Variants in ARK2N observed in about 807,000 individuals in gnomAD.
ARK2N encodes the protein protein ARK2N.
At chr18:46,223,181 G>A in the ARK2N span, among the ~76,000 whole-genome samples, 2,352 of 152,272 alleles carry the variant, frequency 0.015, 74 homozygotes, top group African/African-American at 0.053. Flanking sequence ...AGTTTGCCCA[G>A]CACTTATAAT....
the ARK2N span, chr18:46,218,033 A>G: frequency 6.6e-6 from 1 of 152,314 alleles, no homozygotes; most frequent in Non-Finnish European, 1.5e-5. Context: ...AACTCTTAAT[A>G]CAATACTTAC....
chr18:46,214,550 C>T, the ARK2N span, among the ~76,000 whole-genome samples: 1 of 152,130 alleles, frequency 6.6e-6, no homozygotes, highest in Non-Finnish European at 1.5e-5. Flanking sequence ...CTTAAAGTCT[C>T]AGTTTCCAAG....
the ARK2N span, among the ~76,000 whole-genome samples, chr18:46,192,577 AT>A: frequency 7.7e-4 from 109 of 142,436 alleles, no homozygotes; most frequent in Admixed American, 1.8e-3. Flanking sequence ...CTCCATCTCA[AT>A]TTTTTTTTTT....
At chr18:46,217,239 G>A in the ARK2N span, 2 of 152,562 alleles carry the variant, frequency 1.3e-5, no homozygotes, top group African/African-American at 2.4e-5. Flanking sequence ...GCTCTCATTG[G>A]TATAAGGGTC....
the ARK2N span, chr18:46,217,879 C>G: frequency 6.6e-6 from 1 of 152,032 alleles, no homozygotes. Flanking sequence ...ATGAGAGAAA[C>G]AGACTTTGGG....
chr18:46,203,192 C>T, the ARK2N span, among the ~76,000 whole-genome samples: 5 of 152,140 alleles, frequency 3.3e-5, no homozygotes, highest in Admixed American at 1.3e-4. Context: ...ATGTATGAAA[C>T]TTTTCATGAA....
chr18:46,232,689 A>G, the ARK2N span: 10 of 152,260 alleles, frequency 6.6e-5, no homozygotes, highest in East Asian at 1.9e-3. Flanking sequence ...GTTTGCTAGT[A>G]TTGAGTAGAT....
the ARK2N span, among the ~76,000 whole-genome samples, chr18:46,190,246 G>A: frequency 3.9e-5 from 6 of 152,114 alleles, no homozygotes; most frequent in Admixed American, 6.5e-5. Flanking sequence ...CAGGCCGGGC[G>A]TGGTGGCTCA....
chr18:46,241,251 T>G, the ARK2N span, among the ~76,000 whole-genome samples: 1 of 152,242 alleles, frequency 6.6e-6, no homozygotes, highest in Non-Finnish European at 1.5e-5. Context: ...TAGCTAATTT[T>G]GGAACTGAAC....
the ARK2N span, among the ~76,000 whole-genome samples, chr18:46,251,548 T>C: frequency 5.3e-5 from 8 of 152,174 alleles, no homozygotes; most frequent in African/African-American, 4.8e-5. Context: ...ATTTTTCACA[T>C]ATATGCATCA....
At chr18:46,219,251 G>T in the ARK2N span, 2 of 152,016 alleles carry the variant, frequency 1.3e-5, no homozygotes, top group Non-Finnish European at 2.9e-5. Context: ...CTTAGTATCG[G>T]CACTAGATCA....
chr18:46,210,831 A>G, the ARK2N span, among the ~76,000 whole-genome samples: 1 of 151,634 alleles, frequency 6.6e-6, no homozygotes, highest in Non-Finnish European at 1.5e-5. Context: ...GGATCACTTG[A>G]GCCAAGGAGG....
the ARK2N span, among the ~76,000 whole-genome samples, chr18:46,251,102 T>C: frequency 8.5e-5 from 13 of 152,340 alleles, no homozygotes; most frequent in Admixed American, 7.2e-4. Context: ...CAAGTATTTA[T>C]TGTAGGTACA....
the ARK2N span, among the ~76,000 whole-genome samples, chr18:46,209,250 C>G: frequency 6.7e-6 from 1 of 149,160 alleles, no homozygotes; most frequent in East Asian, 2.0e-4. Flanking sequence ...GTTTTAATCT[C>G]TGTCAGATTC....
At chr18:46,250,341 A>T in the ARK2N span, among the ~76,000 whole-genome samples, 89 of 152,200 alleles carry the variant, frequency 5.8e-4, no homozygotes, top group Non-Finnish European at 1.1e-3. Flanking sequence ...CATAATCATC[A>T]TGCCCTGAGC....
chr18:46,200,100 G>A, the ARK2N span, among the ~76,000 whole-genome samples: 11 of 152,006 alleles, frequency 7.2e-5, no homozygotes, highest in African/African-American at 2.2e-4. Context: ...GTGCGCGCGC[G>A]TGCTGGGGGC....
the ARK2N span, among the ~76,000 whole-genome samples, chr18:46,177,199 A>C: frequency 2.6e-5 from 4 of 152,146 alleles, no homozygotes; most frequent in African/African-American, 9.7e-5. Flanking sequence ...TATGAATAAA[A>C]AGTTGTGAGA....
the ARK2N span, among the ~76,000 whole-genome samples, chr18:46,259,772 C>CTGTGTGTG: frequency 0.043 from 4,551 of 104,802 alleles, 380 homozygotes; most frequent in Middle Eastern, 0.049. Flanking sequence ...CACCCAGCTA[C>CTGTGTGTG]TGTGTGTGTG....
the ARK2N span, chr18:46,265,916 ACT>A: frequency 1.7e-5 from 2 of 119,208 alleles, no homozygotes; most frequent in Non-Finnish European, 4.2e-5. Flanking sequence ...TATGCCACTG[ACT>A]TGGTTAAGTT....
Sources: allele counts gnomAD v4.1 joint callset (sites outside exome capture counted in the v4.1 genomes callset), GRCh38; gene constraint gnomAD v4.1.1; transcripts MANE v1.5; gene names NCBI Gene and HGNC (gene_info 2026-07-23, HGNC 2026-07-21).